IARS2: variants seen among roughly 807,000 people sequenced by gnomAD.
The protein encoded by IARS2 is isoleucine--tRNA ligase, mitochondrial.
In IARS2, 56 loss-of-function variants were observed where a neutral mutation model predicts 126.3. That is an observed-to-expected ratio of 0.44 (90% CI 0.36 to 0.55). The LOEUF is 0.55. IARS2 is among the 20% of genes least tolerant of loss of function. The pLI, the probability that IARS2 is intolerant of heterozygous loss-of-function variation, is 0.00. For synonymous variants in IARS2, 407 were observed against 441.1 expected (o/e 0.92, Z 0.97); for missense variants, 1,127 against 1,245.9 (o/e 0.90, Z 1.44).
In IARS2 at chr1:220,138,136, A is replaced by G; in HGVS notation, c.2175+93A>G. Reference sequence around the variant, plus strand: ...CACATTTTGTTTGGAACTGAAAAAAACTGAATGAAAACGAGTTCTTCATTT... The same window carrying G: ...CACATTTTGTTTGGAACTGAAAAAAGCTGAATGAAAACGAGTTCTTCATTT... On this transcript the variant is annotated intron_variant, in intron 17 of 22. Transcript: ENST00000366922. 2.2e-6 allele frequency: 3 copies of G among 1,384,778 alleles called. No individual in the cohort carries two copies. In the South Asian group the frequency reaches 3.6e-5, roughly 17 times the overall value. The allele number at this position is 1,384,778 out of a possible 1,614,324, so 85.8% of individuals were successfully genotyped here. A position where few individuals can be genotyped will look rare whatever the true frequency, so the allele number is the denominator to read the frequency against.
At chr1:220,128,775 G>A (rs2808022) in intron 14 of IARS2, among the ~76,000 whole-genome samples, 54,872 of 151,978 alleles carry the variant, frequency 0.36, 10,080 homozygotes, top group African/African-American at 0.42. Context: ...TTGCTTTTCA[G>A]TTTCTGAAAT....
chr1:220,119,496 T>C (rs1656994307), intron 12 of IARS2, among the ~76,000 whole-genome samples: 1 of 152,148 alleles, frequency 6.6e-6, no homozygotes, highest in African/African-American at 2.4e-5. Flanking sequence ...TTAGGAATTT[T>C]CCTGCATTTT....
Position 220,125,640 on chromosome 1 carries a change from C to T in IARS2, c.1743+301C>T, listed in dbSNP as rs529934986. ...GCAATATGGCAAAACCCTGTCTCTACAAAAAAATATAAAAATTAGCTGAGC... is the reference window on the plus strand; with the variant it reads ...GCAATATGGCAAAACCCTGTCTCTATAAAAAAATATAAAAATTAGCTGAGC... On this transcript the variant is annotated intron_variant, in intron 13 of 22. Coordinates refer to ENST00000366922, the MANE Select transcript of IARS2 (RefSeq NM_018060.4). Among the ~76,000 whole-genome samples, 4 of 152,016 alleles carry T rather than the reference C, an allele frequency of 2.6e-5. No individual in the cohort carries two copies. The East Asian group carries it at 7.8e-4, about 29-fold the overall frequency.
Position 220,100,511 on chromosome 1 carries a change from C to A in IARS2, c.412C>A (p.Arg138=). 1 of 1,609,816 alleles carries A rather than the reference C, an allele frequency of 6.2e-7. No homozygotes were observed. The highest frequency in any genetic ancestry group is 8.5e-7 in the Non-Finnish European group (1 of 1,178,066). Residue 138 remains arginine, a synonymous_variant, in exon 3 of 23, where the codon CGA becomes AGA. Coordinates refer to ENST00000366922, the MANE Select transcript of IARS2 (RefSeq NM_018060.4). ...LNKILKDIAN[R]FHMMNGSKIH... is the part of the protein sequence containing the mutation. ...GCAGATTTTGAAAGACATAGCCAAT[C>A]GATTCCATATGATGAATGGCTCCAA...
intron 9 of IARS2, among the ~76,000 whole-genome samples, chr1:220,106,549 A>C (rs563450229): frequency 6.6e-6 from 1 of 152,086 alleles, no homozygotes; most frequent in East Asian, 1.9e-4. Flanking sequence ...AAGTTTATGG[A>C]TATGCTTCAA....
At chr1:220,110,750 T>C (rs539140041) in intron 10 of IARS2, 36 bp from the exon 11 acceptor site, 1 of 1,491,966 alleles carries the variant, frequency 6.7e-7, no homozygotes, top group African/African-American at 1.4e-5. Context: ...ACAGTACTTT[T>C]TAATTATGTC....
chr1:220,112,800 C>T (rs931157279), intron 11 of IARS2, among the ~76,000 whole-genome samples: 1 of 152,096 alleles, frequency 6.6e-6, no homozygotes, highest in Non-Finnish European at 1.5e-5. Flanking sequence ...CTCAAGCAGT[C>T]TGCCTGCTTC....
chr1:220,118,777 C>A lies in IARS2; in HGVS notation c.1640+4303C>A, dbSNP rs190992622. On this transcript the variant is annotated intron_variant, in intron 12 of 22. Coordinates refer to ENST00000366922, the MANE Select transcript of IARS2 (RefSeq NM_018060.4). ...ATAATTTGAGTGTTAACTTTAGCTA[C>A]CTCAAATTTTTTCTCAGTTAACAAT... Among the ~76,000 whole-genome samples, 323 of 152,000 alleles carry A rather than the reference C, an allele frequency of 2.1e-3. 2 individuals are homozygous for A. The highest frequency in any genetic ancestry group is 0.017 in the Middle Eastern group (5 of 290).
In IARS2 at chr1:220,136,862, A is replaced by C; in HGVS notation, c.2000A>C (p.Lys667Thr). 1.9e-6 allele frequency: 3 copies of C among 1,612,474 alleles called. No individual in the cohort carries two copies. The highest frequency in any genetic ancestry group is 2.5e-6 in the Non-Finnish European group (3 of 1,178,676). The change falls in exon 16 of 23, where the codon AAG becomes ACG. Residue 667 changes from lysine (K) to threonine (T), a missense_variant. Coordinates refer to ENST00000366922, the MANE Select transcript of IARS2 (RefSeq NM_018060.4). Reference protein sequence around the residue: ...TLGEKGEKMSKSLGNVIHPDV... With the variant: ...TLGEKGEKMSTSLGNVIHPDV... ...GGAGAAAAGGGAGAAAAGATGTCCA[A>C]GTCTCTTGGGAATGTCATTCATCCT... is the stretch of plus-strand genomic sequence containing the variant.
chr1:220,139,237 A>G, intron 18 of IARS2, 98 bp downstream of exon 18: 1 of 823,838 alleles, frequency 1.2e-6, no homozygotes, highest in Non-Finnish European at 1.8e-6. Flanking sequence ...CTTGCTGGAA[A>G]TAGTAACTAT....
At chr1:220,139,511 G>T (rs184368818) in intron 18 of IARS2, among the ~76,000 whole-genome samples, 6 of 152,280 alleles carry the variant, frequency 3.9e-5, no homozygotes, top group Middle Eastern at 6.8e-3. Flanking sequence ...ACTACTTTGG[G>T]AGGCCGAGGT....
chr1:220,138,072 A>T, intron 17 of IARS2, 29 bp downstream of exon 17: 1 of 1,606,636 alleles, frequency 6.2e-7, no homozygotes, highest in East Asian at 2.2e-5. Flanking sequence ...CCTATTTCTA[A>T]AGGACAAGTT....
intron 12 of IARS2, among the ~76,000 whole-genome samples, chr1:220,117,301 C>G (rs1315808791): frequency 6.7e-6 from 1 of 148,968 alleles, no homozygotes; most frequent in Non-Finnish European, 1.5e-5. Context: ...AAGTGATTCT[C>G]CTGCCTCAGC....
In IARS2 at chr1:220,100,482, C is replaced by T. The variant is rs753403657; in HGVS notation, c.391-8C>T. ...GTATGAATGATAATTATCATTTTAT[C>T]TTTGCAGATTTTGAAAGACATAGCC... On this transcript the variant is annotated splice_region_variant and splice_polypyrimidine_tract_variant and intron_variant, in intron 2 of 22. Transcript: ENST00000366922. 1.3e-6 allele frequency: 2 copies of T among 1,588,120 alleles called. No homozygotes were observed. The highest frequency in any genetic ancestry group is 1.7e-6 in the Non-Finnish European group (2 of 1,166,188).
Position 220,137,925 on chromosome 1 carries a change from G to A in IARS2, c.2057G>A (p.Ser686Asn), listed in dbSNP as rs968762758. The A allele has an allele frequency of 6.2e-7, 1 of 1,614,030 alleles. No homozygotes were observed. The highest frequency in any genetic ancestry group is 1.3e-5 in the African/African-American group (1 of 75,022). Reference protein sequence around the residue: ...DVVVNGGQDQSKEPPYGADVL... With the variant: ...DVVVNGGQDQNKEPPYGADVL... Reference sequence around the variant, plus strand: ...TTTTTTCTCAATGAAAAGGATCAAAGCAAAGAGCCTCCGTATGGTGCTGAT... The same window carrying A: ...TTTTTTCTCAATGAAAAGGATCAAAACAAAGAGCCTCCGTATGGTGCTGAT... Residue 686 changes from serine (S) to asparagine (N), a missense_variant, in exon 17 of 23, where the codon AGC becomes AAC. Coordinates refer to ENST00000366922, the MANE Select transcript of IARS2 (RefSeq NM_018060.4).
In IARS2 at chr1:220,110,843, G is replaced by T. The variant is rs754959583; in HGVS notation, c.1385G>T (p.Ser462Ile). 2.5e-6 allele frequency: 4 copies of T among 1,613,282 alleles called. No individual in the cohort carries two copies. In the East Asian group the frequency reaches 8.9e-5, roughly 36 times the overall value. ...NLLKEEKLVH[S>I]YPYDWRTKKP... is the part of the protein sequence containing the mutation. ...TTGAAAGAGGAGAAATTGGTGCATAGCTATCCGTATGACTGGAGGACCAAG... is the reference window on the plus strand; with the variant it reads ...TTGAAAGAGGAGAAATTGGTGCATATCTATCCGTATGACTGGAGGACCAAG... The change falls in exon 11 of 23, where the codon AGC becomes ATC. Residue 462 changes from serine (S) to isoleucine (I), a missense_variant. Transcript: ENST00000366922.
rs141996928 is a variant in IARS2, at chr1:220,102,214, C to T, written c.636C>T (p.Tyr212=). The part of the protein sequence containing the change: ...WGIMADWNNC[Y]YTFDGKYEAK... ...TAATGGCAGATTGGAATAATTGCTA[C>T]TATACATTTGATGGGAAGTATGAAG... is the stretch of plus-strand genomic sequence containing the variant. The change falls in exon 4 of 23, where the codon TAC becomes TAT. Residue 212 remains tyrosine, a synonymous_variant. Coordinates refer to ENST00000366922, the MANE Select transcript of IARS2 (RefSeq NM_018060.4). 1.3e-5 allele frequency: 21 copies of T among 1,612,082 alleles called. No individual in the cohort carries two copies. The African/African-American group carries it at 2.5e-4, about 20-fold the overall frequency.
chr1:220,100,387 T>C, intron 2 of IARS2, 103 bp from the exon 3 acceptor site: 1 of 978,794 alleles, frequency 1.0e-6, no homozygotes, highest in East Asian at 2.7e-5. Context: ...GTAGGCCAAA[T>C]ATTTTATGTA....
chr1:220,127,720 C>T (rs2102833256), intron 14 of IARS2, among the ~76,000 whole-genome samples: 1 of 152,196 alleles, frequency 6.6e-6, no homozygotes, highest in East Asian at 1.9e-4. Context: ...AATAGGATTC[C>T]TAGTAGGTGG....
Sources: gnomAD v4.1 joint callset for allele counts (sites outside exome capture counted in the v4.1 genomes callset) on GRCh38, gnomAD v4.1.1 for gene constraint, MANE v1.5 for transcripts, NCBI Gene and HGNC (gene_info 2026-07-23, HGNC 2026-07-21) for gene names.